The following CCDC125 variants were observed in gnomAD, a reference collection of about 807,000 sequenced individuals.
CCDC125 encodes the protein coiled-coil domain containing 125.
A neutral mutation model predicts 57.4 loss-of-function variants in CCDC125; 43 were observed. The ratio of observed to expected loss-of-function variants is 0.75; its 90% CI spans 0.59 to 0.97. The LOEUF (loss-of-function observed/expected upper bound fraction) is 0.97, where lower values mean the gene tolerates loss of function less well. CCDC125 is among the 50% of genes least tolerant of loss of function. The pLI is 0.00. For missense variants in CCDC125, 563 were observed against 595.7 expected (o/e 0.95, Z 0.57); for synonymous variants, 187 against 195.2 (o/e 0.96, Z 0.35).
At chr5:69,299,133 G>A (rs182848870) in intron 8 of CCDC125, among the ~76,000 whole-genome samples, 1,834 of 146,754 alleles carry the variant, frequency 0.012, 22 homozygotes, top group Non-Finnish European at 0.016. Context: ...TTTTTGAGAC[G>A]GAGTCTCGCT....
downstream of CCDC125, among the ~76,000 whole-genome samples, chr5:69,279,388 G>C (rs539668101): frequency 2.0e-5 from 3 of 152,076 alleles, no homozygotes; most frequent in Non-Finnish European, 4.4e-5. Flanking sequence ...AGTAGAGACG[G>C]GGTTTCACTG....
At chr5:69,302,702 C>T (rs1011423188) in intron 7 of CCDC125, among the ~76,000 whole-genome samples, 8 of 149,782 alleles carry the variant, frequency 5.3e-5, no homozygotes, top group South Asian at 2.1e-4. Context: ...TCCAGCCTGG[C>T]GATAAAGTGA....
Position 69,282,695 on chromosome 5 carries a change from A to G in CCDC125, c.*34T>C. 6.7e-7 allele frequency: 1 copy of G among 1,503,066 alleles called. No individual in the cohort carries two copies. Among genetic ancestry groups the G allele is most frequent in the Non-Finnish European group, 8.9e-7 (1 of 1,118,280 alleles). The allele number at this position is 1,503,066 out of a possible 1,614,324, so 93.1% of individuals were successfully genotyped here. On this transcript the variant is annotated 3_prime_UTR_variant, in exon 12 of 12. Transcript: ENST00000396496. ...CATTTTTCAAAGTATCTCGATATAAACAACTCTCAGTTCCAATTTCAACTG... is the reference window on the plus strand; with the variant it reads ...CATTTTTCAAAGTATCTCGATATAAGCAACTCTCAGTTCCAATTTCAACTG...
At chr5:69,309,296 G>T (rs1038653357) in intron 4 of CCDC125, 1 of 152,262 alleles carries the variant, frequency 6.6e-6, no homozygotes, top group Non-Finnish European at 1.5e-5. Context: ...CACAGAGCCA[G>T]AAGTCTCGGA....
chr5:69,301,739 A>G (rs1365007875), intron 7 of CCDC125, among the ~76,000 whole-genome samples: 1 of 150,536 alleles, frequency 6.6e-6, no homozygotes, highest in Admixed American at 6.6e-5. Flanking sequence ...TGTCTCAAAA[A>G]AAAAAAAGAA....
chr5:69,298,140 C>T (rs927652981), intron 8 of CCDC125, among the ~76,000 whole-genome samples: 6 of 151,952 alleles, frequency 3.9e-5, no homozygotes, highest in Admixed American at 1.3e-4. Flanking sequence ...CTCAGCCTCC[C>T]GAGTAGCTGG....
intron 7 of CCDC125, among the ~76,000 whole-genome samples, chr5:69,301,659 C>T (rs6873869): frequency 0.4 from 61,071 of 150,818 alleles, 12,765 homozygotes; most frequent in East Asian, 0.5. Flanking sequence ...TCCTTGAACT[C>T]GGGAGGAGGA....
rs1223479236 is a variant in CCDC125 at position 69,284,206 on chromosome 5, A to G, written c.1230+1131T>C. On this transcript the variant is annotated intron_variant, in intron 11 of 11. Transcript: ENST00000396496. ...ATAGATCTATATGAAGTGTGTATAT[A>G]TAGGTATATAATATCAACATATAAA... Among the ~76,000 whole-genome samples the G allele has an allele frequency of 3.9e-5, 6 of 152,186 alleles. 1 individual carries two copies. The highest frequency in any genetic ancestry group is 2.6e-4 in the Admixed American group (4 of 15,274).
intron 10 of CCDC125, among the ~76,000 whole-genome samples, chr5:69,287,913 T>C (rs1057475101): frequency 3.3e-5 from 5 of 152,156 alleles, no homozygotes; most frequent in African/African-American, 4.8e-5. Flanking sequence ...TCTCAGTGCC[T>C]TACTGGAACT....
intron 3 of CCDC125, among the ~76,000 whole-genome samples, chr5:69,312,184 T>C (rs1758269600): frequency 6.6e-6 from 1 of 152,130 alleles, no homozygotes; most frequent in Non-Finnish European, 1.5e-5. Context: ...GAGAAGGCCA[T>C]GTGACAGGCA....
rs897166471 is a variant in CCDC125 at position 69,313,970 on chromosome 5, A to T, written c.366+15T>A. On this transcript the variant is annotated intron_variant, in intron 3 of 11. Coordinates refer to ENST00000396496, the MANE Select transcript of CCDC125 (RefSeq NM_176816.5). Reference sequence around the variant, plus strand: ...CAGCTAAACTGATAATTTTTATATTAGCCAGAGTACCTACCTCTAAAGTTT... The same window carrying T: ...CAGCTAAACTGATAATTTTTATATTTGCCAGAGTACCTACCTCTAAAGTTT... The T allele has an allele frequency of 5.1e-6, 8 of 1,580,980 alleles. No individual in the cohort carries two copies. Among genetic ancestry groups the T allele is most frequent in the Non-Finnish European group, 7.0e-6 (8 of 1,149,986 alleles).
downstream of CCDC125, chr5:69,276,565 G>A (rs764537024): frequency 6.2e-7 from 1 of 1,613,258 alleles, no homozygotes; most frequent in South Asian, 1.1e-5. Context: ...AAGTATTTCA[G>A]TAATCGGCCA....
chr5:69,292,756 G>A (rs1367701897), intron 9 of CCDC125, among the ~76,000 whole-genome samples: 1 of 151,880 alleles, frequency 6.6e-6, no homozygotes, highest in South Asian at 2.1e-4. Flanking sequence ...TGATGAATAC[G>A]ACCTTTCAAA....
chr5:69,321,157 G>T (rs1759959696), intron 1 of CCDC125, among the ~76,000 whole-genome samples: 1 of 152,018 alleles, frequency 6.6e-6, no homozygotes, highest in Non-Finnish European at 1.5e-5. Context: ...TTTCAAAATT[G>T]CTCATAGAAT....
intron 9 of CCDC125, among the ~76,000 whole-genome samples, chr5:69,293,206 A>G (rs1243787273): frequency 2.0e-5 from 3 of 151,694 alleles, no homozygotes; most frequent in Non-Finnish European, 4.4e-5. Context: ...TGATGTGAAC[A>G]CGGCTCACTG....
rs975114822 is a variant in CCDC125 at position 69,303,708 on chromosome 5, A to C, written c.700+139T>G. The C allele has an allele frequency of 5.6e-5, 33 of 586,418 alleles. No homozygotes were observed. The Admixed American group carries it at 1.2e-3, about 20-fold the overall frequency. The allele number at this position is 586,418 out of a possible 1,614,324, so 36.3% of individuals were successfully genotyped here. Reference sequence around the variant, plus strand: ...AATAGTTTTATGTTATGTGAATTTCACCTTGATAAATTTTCTTAAATTTAA... The same window carrying C: ...AATAGTTTTATGTTATGTGAATTTCCCCTTGATAAATTTTCTTAAATTTAA... On this transcript the variant is annotated intron_variant, in intron 7 of 11. Coordinates refer to ENST00000396496, the MANE Select transcript of CCDC125 (RefSeq NM_176816.5).
At chr5:69,278,284 C>A (rs928932208), downstream of CCDC125, among the ~76,000 whole-genome samples, 23 of 152,026 alleles carry the variant, frequency 1.5e-4, no homozygotes, top group African/African-American at 5.6e-4. Context: ...TGGCTCACTG[C>A]AACCTCCACC....
intron 7 of CCDC125, among the ~76,000 whole-genome samples, chr5:69,302,650 A>G (rs1455686129): frequency 6.6e-6 from 1 of 150,874 alleles, no homozygotes; most frequent in Non-Finnish European, 1.5e-5. Context: ...GCTTAAACCC[A>G]GGAGGCGGAG....
rs1227842099 is a variant in CCDC125 at position 69,315,462 on chromosome 5, C to CA, written c.305-1417dup. ...CAAAAAAAAAAAACAAAAAAAAAAA[C>CA]AAAAAAAAAAAAGGCCAGGTGTGGT... On this transcript the variant is annotated intron_variant, in intron 2 of 11. Coordinates refer to ENST00000396496, the MANE Select transcript of CCDC125 (RefSeq NM_176816.5). 8.0e-3 allele frequency among the ~76,000 whole-genome samples: 198 copies of CA among 24,710 alleles called. 4 individuals carry two copies. Among genetic ancestry groups the CA allele is most frequent in the African/African-American group, 0.018 (190 of 10,684 alleles). 16.2% of individuals were successfully genotyped at this position (24,710 alleles called of 152,430 possible).
Sources: allele counts gnomAD v4.1 joint callset (sites outside exome capture counted in the v4.1 genomes callset), GRCh38; gene constraint gnomAD v4.1.1; transcripts MANE v1.5; gene names NCBI Gene and HGNC (gene_info 2026-07-23, HGNC 2026-07-21).